The following TMEM117 variants were observed in gnomAD, a reference collection of about 807,000 sequenced individuals.
The protein encoded by TMEM117 is transmembrane protein 117.
Under a neutral mutation model 52.4 loss-of-function variants are expected in TMEM117, and 27 were observed. The ratio of observed to expected loss-of-function variants is 0.51; its 90% CI spans 0.38 to 0.71. TMEM117 has a LOEUF of 0.71. Among genes scored for constraint, TMEM117 ranks in the 30% least tolerant of loss-of-function variants. TMEM117 has a pLI of 0.00. For missense variants in TMEM117, 556 were observed against 630.5 expected (o/e 0.88, Z 1.26); for synonymous variants, 215 against 206.3 (o/e 1.04, Z -0.36).
intron 3 of TMEM117, 92 bp downstream of exon 3, chr12:43,944,434 T>C: frequency 8.3e-7 from 1 of 1,199,480 alleles, no homozygotes; most frequent in Non-Finnish European, 1.2e-6. Flanking sequence ...AGTCTAAGTC[T>C]GCTTTACAAA....
intron 3 of TMEM117, among the ~76,000 whole-genome samples, chr12:44,028,621 C>A (rs538379876): frequency 6.6e-6 from 1 of 152,138 alleles, no homozygotes; most frequent in South Asian, 2.1e-4. Flanking sequence ...GCCATGGCAG[C>A]GTCAGGAAGT....
intron 3 of TMEM117, among the ~76,000 whole-genome samples, chr12:44,106,830 T>C (rs1289607359): frequency 6.6e-6 from 1 of 152,020 alleles, no homozygotes; most frequent in African/African-American, 2.4e-5. Flanking sequence ...GTACATTGAA[T>C]ATTTCTTTCT....
At chr12:43,850,896 T>A (rs953732784) in intron 2 of TMEM117, among the ~76,000 whole-genome samples, 9 of 151,978 alleles carry the variant, frequency 5.9e-5, no homozygotes, top group Non-Finnish European at 4.4e-5. Flanking sequence ...GATGATGATG[T>A]TGTGTGTATG....
chr12:43,976,890 T>G (rs1009639699), intron 3 of TMEM117, among the ~76,000 whole-genome samples: 2 of 152,186 alleles, frequency 1.3e-5, no homozygotes, highest in African/African-American at 2.4e-5. Flanking sequence ...AAGACAAACA[T>G]GAGTATAATC....
chr12:44,034,718 G>A (rs1047362291), intron 3 of TMEM117, among the ~76,000 whole-genome samples: 1 of 152,186 alleles, frequency 6.6e-6, no homozygotes, highest in East Asian at 1.9e-4. Flanking sequence ...CTGTAGGAAG[G>A]TAATGCTATT....
At chr12:44,310,838 T>TGG (rs1950965262) in intron 6 of TMEM117, among the ~76,000 whole-genome samples, 1 of 152,178 alleles carries the variant, frequency 6.6e-6, no homozygotes, top group South Asian at 2.1e-4. Flanking sequence ...TGCAGATTCT[T>TGG]GGGTCTTCCT....
intron 3 of TMEM117, among the ~76,000 whole-genome samples, chr12:44,107,262 A>C (rs1947972773): frequency 6.6e-6 from 1 of 152,092 alleles, no homozygotes; most frequent in Non-Finnish European, 1.5e-5. Context: ...CAAGGATTTG[A>C]ACCTAGCCTC....
chr12:44,217,963 C>T (rs57094207), intron 5 of TMEM117, among the ~76,000 whole-genome samples: 15,757 of 152,166 alleles, frequency 0.1, 925 homozygotes, highest in Middle Eastern at 0.2. Flanking sequence ...GTGGCTCATG[C>T]CTGTAATCCC....
chr12:44,189,998 A>G (rs1949329688), intron 4 of TMEM117, among the ~76,000 whole-genome samples: 1 of 152,206 alleles, frequency 6.6e-6, no homozygotes, highest in African/African-American at 2.4e-5. Context: ...AAATTGCTCA[A>G]TTAAGTAAGA....
At position 44,009,134 on chromosome 12, in the gene TMEM117, C is replaced by G. The variant is rs150767794; in HGVS notation, c.410+64792C>G. On this transcript the variant is annotated intron_variant, in intron 3 of 7. Coordinates refer to ENST00000266534, the MANE Select transcript of TMEM117 (RefSeq NM_032256.3). ...GCTCTTGTTTACAAGTGGCAAGTTTCTTTACTTCCTTGGAAAAGCTCAGTG... is the reference window on the plus strand; with the variant it reads ...GCTCTTGTTTACAAGTGGCAAGTTTGTTTACTTCCTTGGAAAAGCTCAGTG... The G allele has an allele frequency of 3.5e-5, 11 of 312,994 alleles. No individual in the cohort carries two copies. In the East Asian group the frequency reaches 1.3e-3, roughly 36 times the overall value. 19.4% of individuals were successfully genotyped at this position (312,994 alleles called of 1,614,324 possible). A position where few individuals can be genotyped will look rare whatever the true frequency, so the allele number is the denominator to read the frequency against.
At chr12:44,331,931 T>C (rs1951275915) in intron 6 of TMEM117, among the ~76,000 whole-genome samples, 1 of 152,098 alleles carries the variant, frequency 6.6e-6, no homozygotes, top group African/African-American at 2.4e-5. Flanking sequence ...ATAGGTTTTA[T>C]CTGTGCTGCC....
intron 3 of TMEM117, among the ~76,000 whole-genome samples, chr12:43,970,656 C>T (rs1054151157): frequency 5.3e-5 from 8 of 152,094 alleles, no homozygotes; most frequent in Non-Finnish European, 1.0e-4. Flanking sequence ...TAAACTTTAT[C>T]ATAGGTATGT....
At chr12:44,072,409 G>A (rs947964569) in intron 3 of TMEM117, among the ~76,000 whole-genome samples, 1 of 152,160 alleles carries the variant, frequency 6.6e-6, no homozygotes, top group Non-Finnish European at 1.5e-5. Flanking sequence ...ATCCTCAGTA[G>A]AAAAGATGGC....
At chr12:43,805,284 C>T in the TMEM117 span, among the ~76,000 whole-genome samples, 1 of 152,166 alleles carries the variant, frequency 6.6e-6, no homozygotes, top group African/African-American at 2.4e-5. Flanking sequence ...ATTTATATAT[C>T]GAAATTAATG....
At chr12:43,854,952 T>C (rs1943375076) in intron 2 of TMEM117, among the ~76,000 whole-genome samples, 1 of 152,224 alleles carries the variant, frequency 6.6e-6, no homozygotes, top group Non-Finnish European at 1.5e-5. Flanking sequence ...CCACCACTTC[T>C]TATCCAAAAC....
chr12:44,070,790 T>G (rs1202634254), intron 3 of TMEM117, among the ~76,000 whole-genome samples: 4 of 152,196 alleles, frequency 2.6e-5, no homozygotes, highest in African/African-American at 9.6e-5. Context: ...ACCAATTGCA[T>G]TCAGCCTCCT....
chr12:44,149,166 C>T (rs1355306209), intron 4 of TMEM117, among the ~76,000 whole-genome samples: 5 of 152,162 alleles, frequency 3.3e-5, no homozygotes, highest in African/African-American at 1.2e-4. Context: ...CAGATCCTGC[C>T]AGTGCATTCT....
chr12:44,309,628 A>G (rs191482146), intron 6 of TMEM117, among the ~76,000 whole-genome samples: 110 of 152,292 alleles, frequency 7.2e-4, no homozygotes, highest in African/African-American at 2.6e-3. Context: ...ACTGTCCTGG[A>G]TGCTTAGATG....
At chr12:44,153,910 A>C (rs1221104762) in intron 4 of TMEM117, among the ~76,000 whole-genome samples, 2 of 152,082 alleles carry the variant, frequency 1.3e-5, no homozygotes, top group Admixed American at 1.3e-4. Flanking sequence ...AGATTAAAGT[A>C]ATTTGAGTGA....
Sources: allele counts gnomAD v4.1 joint callset (sites outside exome capture counted in the v4.1 genomes callset), GRCh38; gene constraint gnomAD v4.1.1; transcripts MANE v1.5; gene names NCBI Gene and HGNC (gene_info 2026-07-23, HGNC 2026-07-21).